The following TTC39C variants were observed in gnomAD, a reference collection of about 807,000 sequenced individuals.
TTC39C encodes tetratricopeptide repeat protein 39C.
In TTC39C, 33 loss-of-function variants were observed where a neutral mutation model predicts 76.3. The observed-to-expected ratio is 0.43, with a 90% CI of 0.33 to 0.58. The LOEUF (loss-of-function observed/expected upper bound fraction) is 0.58. Ranked by LOEUF, TTC39C falls within the 20% of genes least tolerant of loss-of-function variation. The pLI is 0.04. For missense variants in TTC39C, 595 were observed against 701.4 expected (o/e 0.85, Z 1.71); for synonymous variants, 254 against 260.6 (o/e 0.97, Z 0.24).
At chr18:24,012,789 A>T (rs1460717503), upstream of TTC39C, 3 of 151,230 alleles carry the variant, frequency 2.0e-5, no homozygotes, top group Non-Finnish European at 2.9e-5. Flanking sequence ...CAATGGCCTC[A>T]TGTGGGCCTC....
chr18:24,012,033 CTGACATT>C (rs2083397182), upstream of TTC39C, among the ~76,000 whole-genome samples: 1 of 152,238 alleles, frequency 6.6e-6, no homozygotes, highest in East Asian at 1.9e-4. Context: ...CCTTTATAAC[CTGACATT>C]TTTATCGAGT....
At chr18:24,078,997 G>A (rs943358701) in intron 4 of TTC39C, among the ~76,000 whole-genome samples, 4 of 152,072 alleles carry the variant, frequency 2.6e-5, no homozygotes, top group Admixed American at 1.3e-4. Flanking sequence ...TTCCGGGATT[G>A]GGTTTTTGTA....
rs111457594 is a variant in TTC39C at position 24,027,249 on chromosome 18, G to A, written c.167+12211G>A. On this transcript the variant is annotated intron_variant, in intron 1 of 13. Transcript: ENST00000317571. ...AGAGCTTGCAGTGACCCGAGATCGC[G>A]CCACTGTGCGAGACTCCATCTCAAA... Among the ~76,000 whole-genome samples, 1,505 of 151,906 alleles carry A rather than the reference G, an allele frequency of 9.9e-3. 20 individuals are homozygous for A. Among genetic ancestry groups the A allele is most frequent in the South Asian group, 0.032 (153 of 4,796 alleles).
intron 1 of TTC39C, among the ~76,000 whole-genome samples, chr18:24,007,904 C>T (rs904745587): frequency 9.0e-6 from 1 of 111,184 alleles, no homozygotes; most frequent in Non-Finnish European, 2.0e-5. Flanking sequence ...ACTTTAATAT[C>T]TGAAAATAAA....
At chr18:24,118,874 T>G (rs1417661367) in intron 8 of TTC39C, among the ~76,000 whole-genome samples, 1 of 152,084 alleles carries the variant, frequency 6.6e-6, no homozygotes, top group Non-Finnish European at 1.5e-5. Flanking sequence ...CAGGCTAATC[T>G]CTAACTCCTG....
intron 1 of TTC39C, among the ~76,000 whole-genome samples, chr18:24,024,016 A>ATATATATATATATATATATATTTT (rs1461392228): frequency 1.8e-4 from 1 of 5,482 alleles, no homozygotes; most frequent in African/African-American, 6.5e-4. Context: ...ATATATATAT[A>ATATATATATATATATATATATTTT]TTTTTTTTTT....
intron 1 of TTC39C, among the ~76,000 whole-genome samples, chr18:24,029,238 G>T (rs12965369): frequency 6.6e-6 from 1 of 152,142 alleles, no homozygotes; most frequent in African/African-American, 2.4e-5. Context: ...GAGTAGCTGG[G>T]ATTATAGGCG....
chr18:24,037,755 A>T (rs998171176), intron 1 of TTC39C, among the ~76,000 whole-genome samples: 1 of 152,252 alleles, frequency 6.6e-6, no homozygotes, highest in Admixed American at 6.5e-5. Flanking sequence ...TACAAATGGA[A>T]GGTAGTAGTA....
chr18:24,044,636 G>A (rs1335009750), intron 1 of TTC39C, among the ~76,000 whole-genome samples: 3 of 152,140 alleles, frequency 2.0e-5, no homozygotes, highest in Non-Finnish European at 4.4e-5. Context: ...GGTCAGGACC[G>A]TCAGCCTCCA....
At chr18:24,101,456 A>G (rs1211839705) in intron 6 of TTC39C, among the ~76,000 whole-genome samples, 1 of 152,056 alleles carries the variant, frequency 6.6e-6, no homozygotes, top group African/African-American at 2.4e-5. Context: ...AAACTCAGAA[A>G]GCTGAGGCAG....
chr18:23,999,994 A>G (rs1352093847), intron 1 of TTC39C, among the ~76,000 whole-genome samples: 1 of 152,190 alleles, frequency 6.6e-6, no homozygotes, highest in African/African-American at 2.4e-5. Flanking sequence ...CTTATAGTGC[A>G]AGCAATGAGA....
chr18:24,016,688 ACT>A (rs928071704), intron 1 of TTC39C: 2 of 396,964 alleles, frequency 5.0e-6, no homozygotes, highest in Middle Eastern at 6.3e-4. Flanking sequence ...TGGTTGGAAA[ACT>A]CTCTCCCAGC....
intron 1 of TTC39C, 83 bp from the exon 2 acceptor site, chr18:24,064,057 C>A: frequency 1.9e-6 from 3 of 1,560,258 alleles, no homozygotes; most frequent in Non-Finnish European, 8.7e-7. Flanking sequence ...ATATGGTAAT[C>A]ATGATATGTC....
chr18:24,106,486 G>A (rs2084746696), intron 6 of TTC39C, among the ~76,000 whole-genome samples: 1 of 152,184 alleles, frequency 6.6e-6, no homozygotes, highest in African/African-American at 2.4e-5. Flanking sequence ...GTGCTGGGGT[G>A]TGTGATGTGC....
intron 1 of TTC39C, among the ~76,000 whole-genome samples, chr18:23,997,893 AG>A (rs1276334553): frequency 5.9e-5 from 9 of 151,812 alleles, no homozygotes; most frequent in Admixed American, 2.6e-4. Context: ...AAAAAAAAAA[AG>A]AAAAAGAAAT....
At chr18:23,994,273 A>G (rs994182731) in intron 1 of TTC39C, 2 of 151,852 alleles carry the variant, frequency 1.3e-5, no homozygotes, top group African/African-American at 4.8e-5. Flanking sequence ...ATAAGATGAC[A>G]GAGAAGAAAA....
chr18:24,034,992 A>G (rs912264752), intron 1 of TTC39C, among the ~76,000 whole-genome samples: 10 of 152,154 alleles, frequency 6.6e-5, no homozygotes, highest in Non-Finnish European at 1.0e-4. Context: ...TATACCCAGA[A>G]GTGGAATTGC....
In TTC39C at chr18:24,038,782, C is replaced by T. The variant is rs537279787; in HGVS notation, c.167+23744C>T. 2.3e-3 allele frequency among the ~76,000 whole-genome samples: 344 copies of T among 152,262 alleles called. 2 individuals carry two copies. Among genetic ancestry groups the T allele is most frequent in the Non-Finnish European group, 3.5e-3 (239 of 68,008 alleles). ...TTGAGATCTGGTGAGGGCTGTCTCTCTTCCTAGCTTGTGGACAGCTACTTT... is the reference window on the plus strand; with the variant it reads ...TTGAGATCTGGTGAGGGCTGTCTCTTTTCCTAGCTTGTGGACAGCTACTTT... On this transcript the variant is annotated intron_variant, in intron 1 of 13. Transcript: ENST00000317571.
intron 1 of TTC39C, among the ~76,000 whole-genome samples, chr18:23,997,661 A>AGAAAGAAGGAAG (rs1555762742): frequency 1.1e-5 from 1 of 92,248 alleles, no homozygotes; most frequent in East Asian, 3.2e-4. Context: ...GGAGAAAGAA[A>AGAAAGAAGGAAG]GAAAGAAAGA....
Sources: allele counts gnomAD v4.1 joint callset (sites outside exome capture counted in the v4.1 genomes callset), GRCh38; gene constraint gnomAD v4.1.1; transcripts MANE v1.5; gene names NCBI Gene and HGNC (gene_info 2026-07-23, HGNC 2026-07-21).